The following BRCA1 variants were observed in gnomAD, a reference collection of about 807,000 sequenced individuals.
BRCA1 encodes the protein breast cancer type 1 susceptibility protein.
Under a neutral mutation model 173.7 loss-of-function variants are expected in BRCA1, and 140 were observed. The observed-to-expected ratio is 0.81, with a 90% CI of 0.70 to 0.93. The LOEUF is 0.93. BRCA1 is among the 40% of genes least tolerant of loss of function. The pLI, the probability that BRCA1 is intolerant of heterozygous loss-of-function variation, is 0.00. For synonymous variants in BRCA1, 662 were observed against 756.0 expected, an observed-to-expected ratio of 0.88 and a Z score of 2.04; for missense variants, 1,983 against 2,172.5, an observed-to-expected ratio of 0.91 and a Z score of 1.73.
intron 1 of BRCA1, chr17:43,164,060 T>A (rs533026577): frequency 6.6e-6 from 1 of 152,360 alleles, no homozygotes; most frequent in African/African-American, 2.4e-5. Context: ...TGCACAAGCA[T>A]AACAATTGCT....
At position 43,093,561 on chromosome 17, in the gene BRCA1, T is replaced by A. The variant is rs2053850502; in HGVS notation, c.1970A>T (p.Gln657Leu). The part of the protein sequence containing the change: ...SEEIKKKKYN[Q>L]MPVRHSRNLQ... Reference sequence around the variant, plus strand: ...GTTTCTGCTGTGCCTGACTGGCATTTGGTTGTACTTTTTTTTCTTTATCTC... The same window carrying A: ...GTTTCTGCTGTGCCTGACTGGCATTAGGTTGTACTTTTTTTTCTTTATCTC... The change falls in exon 10 of 23, where the codon CAA becomes CTA. Residue 657 changes from glutamine (Q) to leucine (L), a missense_variant. Gln to Leu is a moderately radical substitution (Grantham distance 113). Coordinates refer to ENST00000357654, the MANE Select transcript of BRCA1 (RefSeq NM_007294.4). The A allele has an allele frequency of 6.2e-7, 1 of 1,614,076 alleles. No homozygotes were observed. The highest frequency in any genetic ancestry group is 8.5e-7 in the Non-Finnish European group (1 of 1,180,012).
Position 43,045,652 on chromosome 17 carries a change from G to A in BRCA1, c.*26C>T, listed in dbSNP as rs745752144. ...TGTAAGCTCATTCTTGGGGTCCTGT[G>A]GCTCTGTACCTGTGGCTGGCTGCAG... is the stretch of plus-strand genomic sequence containing the variant. On this transcript the variant is annotated 3_prime_UTR_variant, in exon 23 of 23. Transcript: ENST00000357654. The A allele has an allele frequency of 6.2e-7, 1 of 1,613,616 alleles. No individual in the cohort carries two copies. Among genetic ancestry groups the A allele is most frequent in the Admixed American group, 1.7e-5 (1 of 59,964 alleles).
intron 6 of BRCA1, among the ~76,000 whole-genome samples, chr17:43,101,325 G>A (rs1056351846): frequency 4.6e-5 from 7 of 150,830 alleles, no homozygotes; most frequent in Admixed American, 4.6e-4. Context: ...GCCTCCCAAG[G>A]AGCTGGGACT....
rs28897689 is a variant in BRCA1 at position 43,091,492 on chromosome 17, T to C, written c.4039A>G (p.Arg1347Gly). ...TTATTTTCTTCCAAGCCCGTTCCTC[T>C]TTCTTCATCATCTGAAACCAATTCC... ...DKELVSDDEERGTGLEENNQE... is the reference protein window; with the variant it reads ...DKELVSDDEEGGTGLEENNQE... Residue 1347 changes from arginine (R) to glycine (G), a missense_variant, in exon 10 of 23, where the codon AGA becomes GGA. Arg to Gly is a moderately radical substitution (Grantham distance 125). Transcript: ENST00000357654. 5.8e-3 allele frequency: 9,320 copies of C among 1,613,538 alleles called. 40 individuals carry two copies. The highest frequency in any genetic ancestry group is 7.2e-3 in the Non-Finnish European group (8,481 of 1,179,610).
At chr17:43,118,393 T>C (rs202101994) in intron 2 of BRCA1, among the ~76,000 whole-genome samples, 1 of 152,122 alleles carries the variant, frequency 6.6e-6, no homozygotes, top group African/African-American at 2.4e-5. Context: ...CTTTTTTTTT[T>C]TCAGACAGAG....
At position 43,094,300 on chromosome 17, in the gene BRCA1, C is replaced by G. The variant is rs80357301; in HGVS notation, c.1231G>C (p.Asp411His). 1 of 1,614,150 alleles carries G rather than the reference C, an allele frequency of 6.2e-7. No homozygotes were observed. The highest frequency in any genetic ancestry group is 2.2e-5 in the East Asian group (1 of 44,886). Reference sequence around the variant, plus strand: ...ACCTCATTTAGAACGTCCAATACATCAGCTACTTTGGCATTTGATTCAGAC... The same window carrying G: ...ACCTCATTTAGAACGTCCAATACATGAGCTACTTTGGCATTTGATTCAGAC... ...GESESNAKVA[D>H]VLDVLNEVDE... Residue 411 changes from aspartate (D) to histidine (H), a missense_variant, in exon 10 of 23, where the codon GAT (aspartate) becomes CAT (histidine). By Grantham distance (81) the Asp-to-His change is moderately conservative (BLOSUM62 -1). Transcript: ENST00000357654.
chr17:43,125,644 G>C (rs948976566), upstream of BRCA1: 6 of 240,446 alleles, frequency 2.5e-5, no homozygotes, highest in Admixed American at 3.1e-4. Flanking sequence ...TACTCTTCCA[G>C]TTGCGGCTTA....
At chr17:43,168,265 T>C in intron 1 of BRCA1, 1 of 408,308 alleles carries the variant, frequency 2.4e-6, no homozygotes, top group Non-Finnish European at 4.9e-6. Flanking sequence ...TCTGTTCCAA[T>C]GAACTTTAAC....
At chr17:43,138,450 C>T (rs2056046038) in intron 1 of BRCA1, 1 of 595,542 alleles carries the variant, frequency 1.7e-6, no homozygotes, top group Middle Eastern at 4.5e-4. Flanking sequence ...AGGCCTCTGA[C>T]TTAGCTAGGT....
rs770090143 is a variant in BRCA1 at position 43,094,383 on chromosome 17, T to C, written c.1148A>G (p.Asn383Ser). The change falls in exon 10 of 23, where the codon AAT becomes AGT. Residue 383 changes from asparagine to serine, a missense_variant. Physicochemically the swap from Asn to Ser is conservative, Grantham distance 46. Transcript: ENST00000357654. The part of the protein sequence containing the change: ...ITLNSSIQKV[N>S]EWFSRSDELL... Reference sequence around the variant, plus strand: ...TTCATCACTTCTGGAAAACCACTCATTAACTTTCTGAATGCTGCTATTTAG... The same window carrying C: ...TTCATCACTTCTGGAAAACCACTCACTAACTTTCTGAATGCTGCTATTTAG... The C allele has an allele frequency of 1.2e-6, 2 of 1,614,198 alleles. No individual in the cohort carries two copies. Among genetic ancestry groups the C allele is most frequent in the South Asian group, 1.1e-5 (1 of 91,086 alleles).
chr17:43,047,224 C>A (rs1260725155), intron 22 of BRCA1, among the ~76,000 whole-genome samples: 1 of 152,066 alleles, frequency 6.6e-6, no homozygotes, highest in Admixed American at 6.6e-5. Context: ...CTCAGCTTCC[C>A]AAGTAGCTGC....
intron 17 of BRCA1, among the ~76,000 whole-genome samples, chr17:43,063,664 T>A (rs2051892631): frequency 6.6e-6 from 1 of 152,210 alleles, no homozygotes; most frequent in African/African-American, 2.4e-5. Context: ...GATTAGGTCC[T>A]ATTAGTTATA....
At chr17:43,126,510 A>C (rs1319342207), upstream of BRCA1, among the ~76,000 whole-genome samples, 1 of 152,146 alleles carries the variant, frequency 6.6e-6, no homozygotes, top group African/African-American at 2.4e-5. Context: ...GAGGGTTTGG[A>C]GAAGTTCAAG....
chr17:43,053,835 G>A (rs2051350347), intron 19 of BRCA1, among the ~76,000 whole-genome samples: 1 of 151,984 alleles, frequency 6.6e-6, no homozygotes, highest in Non-Finnish European at 1.5e-5. Context: ...TGGGCGTGGT[G>A]GCACATGCCT....
chr17:43,158,497 G>A (rs1013796414), intron 1 of BRCA1, among the ~76,000 whole-genome samples: 2 of 151,964 alleles, frequency 1.3e-5, no homozygotes, highest in Non-Finnish European at 2.9e-5. Flanking sequence ...CTCCAAATAT[G>A]AAAAACAACT....
intron 3 of BRCA1, among the ~76,000 whole-genome samples, chr17:43,108,002 A>G (rs1005701999): frequency 3.3e-5 from 5 of 152,156 alleles, no homozygotes; most frequent in Non-Finnish European, 7.4e-5. Context: ...TAAATAGCAG[A>G]CACTGACAAT....
In BRCA1 at chr17:43,092,765, T is replaced by C. The variant is rs2154360535; in HGVS notation, c.2766A>G (p.Thr922=). The C allele has an allele frequency of 6.2e-7, 1 of 1,614,142 alleles. No homozygotes were observed. The highest frequency in any genetic ancestry group is 8.5e-7 in the Non-Finnish European group (1 of 1,180,002). ...CAGGAAAGCCTGCAGTGATATTAAC[T>C]GTCTGTACAGGCTTGATATTAGACT... ...KNESNIKPVQ[T]VNITAGFPVV... Residue 922 remains threonine, a synonymous_variant, in exon 10 of 23, where the codon ACA becomes ACG. Transcript: ENST00000357654.
chr17:43,107,512 C>G (rs1179486933), intron 3 of BRCA1, among the ~76,000 whole-genome samples: 1 of 151,496 alleles, frequency 6.6e-6, no homozygotes, highest in Non-Finnish European at 1.5e-5. Flanking sequence ...TCCCGAGTAG[C>G]TGGGATTACA....
At chr17:43,063,997 T>G in intron 16 of BRCA1, 46 bp from the exon 17 acceptor site, 1 of 1,560,372 alleles carries the variant, frequency 6.4e-7, no homozygotes. Flanking sequence ...GAAAACAAAA[T>G]CAGGAAGTGC....
Sources: allele counts gnomAD v4.1 joint callset (sites outside exome capture counted in the v4.1 genomes callset), GRCh38; gene constraint gnomAD v4.1.1; transcripts MANE v1.5; gene names NCBI Gene and HGNC (gene_info 2026-07-23, HGNC 2026-07-21).